Variants in CD86 observed in about 807,000 individuals in gnomAD.
CD86 encodes the protein CD86 molecule, also known as T-lymphocyte activation antigen CD86.
CD86 carries 11 observed loss-of-function variants against 32.1 expected under a neutral mutation model. The observed-to-expected ratio is 0.34, with a 90% CI of 0.22 to 0.57. CD86 has a LOEUF of 0.57. Among genes scored for constraint, CD86 ranks in the 20% least tolerant of loss-of-function variants. CD86 has a pLI of 0.86. For synonymous variants in CD86, 137 were observed against 135.3 expected (o/e 1.01, Z -0.09); for missense variants, 359 against 398.4 (o/e 0.90, Z 0.84).
At chr3:122,106,863 C>CACACAT (rs1169723038) in intron 4 of CD86, among the ~76,000 whole-genome samples, 9 of 151,914 alleles carry the variant, frequency 5.9e-5, no homozygotes, top group Admixed American at 2.0e-4. Context: ...CACACACACA[C>CACACAT]ACACACACCA....
At position 122,091,640 on chromosome 3, in the gene CD86, C is replaced by A; in HGVS notation, c.54C>A (p.Phe18Leu). ...GTAACATTCTCTTTGTGATGGCCTTCCTGCTCTCTGGTAAGAACCTTTCAG... is the reference window on the plus strand; with the variant it reads ...GTAACATTCTCTTTGTGATGGCCTTACTGCTCTCTGGTAAGAACCTTTCAG... ...GLSNILFVMA[F>L]LLSGAAPLKI... The change falls in exon 2 of 7, where the codon TTC (phenylalanine) becomes TTA (leucine). Residue 18 changes from phenylalanine (F) to leucine (L), a missense_variant. Physicochemically the swap from Phe to Leu is conservative, Grantham distance 22 (BLOSUM62 0). Transcript: ENST00000330540. The A allele has an allele frequency of 5.6e-6, 9 of 1,613,008 alleles. No homozygotes were observed. The highest frequency in any genetic ancestry group is 7.6e-6 in the Non-Finnish European group (9 of 1,179,030).
At chr3:122,085,817 G>A (rs1413071137) in intron 1 of CD86, among the ~76,000 whole-genome samples, 2 of 152,198 alleles carry the variant, frequency 1.3e-5, no homozygotes, top group Non-Finnish European at 2.9e-5. Flanking sequence ...GGGAGCTGAT[G>A]TTGCACTGGA....
At chr3:122,103,917 C>T in intron 3 of CD86, 70 bp downstream of exon 3, 1 of 1,309,078 alleles carries the variant, frequency 7.6e-7, no homozygotes, top group Non-Finnish European at 1.1e-6. Flanking sequence ...GTTAGAAAAA[C>T]ACTGGAGGGG....
intron 1 of CD86, among the ~76,000 whole-genome samples, chr3:122,068,179 C>A (rs952452542): frequency 6.6e-6 from 1 of 152,006 alleles, no homozygotes; most frequent in Non-Finnish European, 1.5e-5. Flanking sequence ...GTTCTATATA[C>A]CCCAATCTAT....
rs114959849 is a variant in CD86 at position 122,091,862 on chromosome 3, C to G, written c.64+212C>G. 900 of 555,644 alleles carry G rather than the reference C, an allele frequency of 1.6e-3. 6 individuals carry two copies. Among genetic ancestry groups the G allele is most frequent in the African/African-American group, 0.012 (624 of 53,136 alleles). 34.4% of individuals were successfully genotyped at this position (555,644 alleles called of 1,614,324 possible). On this transcript the variant is annotated intron_variant, in intron 2 of 6. Coordinates refer to ENST00000330540, the MANE Select transcript of CD86 (RefSeq NM_175862.5). Reference sequence around the variant, plus strand: ...AGGCAGCTGGGATGGAGCTCTCCCCCCCGTGTGCTTCTTCCTCCTCTGCAG... The same window carrying G: ...AGGCAGCTGGGATGGAGCTCTCCCCGCCGTGTGCTTCTTCCTCCTCTGCAG...
intron 3 of CD86, among the ~76,000 whole-genome samples, chr3:122,104,812 T>C (rs1367106117): frequency 6.6e-6 from 1 of 152,218 alleles, no homozygotes; most frequent in Non-Finnish European, 1.5e-5. Context: ...TTATTGTTTA[T>C]CCATTCAACT....
intron 1 of CD86, among the ~76,000 whole-genome samples, chr3:122,075,420 G>A (rs2072542649): frequency 6.6e-6 from 1 of 152,186 alleles, no homozygotes; most frequent in Non-Finnish European, 1.5e-5. Context: ...ATATGTTCTG[G>A]TAGTTCTAGA....
rs1559898376 is a variant in CD86, at chr3:122,069,528, G to C, written c.14+14025G>C. 4.6e-5 allele frequency among the ~76,000 whole-genome samples: 7 copies of C among 152,308 alleles called. 2 individuals carry two copies. In the South Asian group the frequency reaches 1.5e-3, roughly 32 times the overall value. ...GTGTTGAGATACACGACAGGCAGGTGAGGAAGGAGGGGTGCTCTGGATGTA... is the reference window on the plus strand; with the variant it reads ...GTGTTGAGATACACGACAGGCAGGTCAGGAAGGAGGGGTGCTCTGGATGTA... On this transcript the variant is annotated intron_variant, in intron 1 of 6. Transcript: ENST00000330540.
At chr3:122,089,227 A>G (rs943075824) in intron 1 of CD86, among the ~76,000 whole-genome samples, 5 of 152,222 alleles carry the variant, frequency 3.3e-5, no homozygotes, top group Admixed American at 1.3e-4. Context: ...TTGCAAGATG[A>G]AAGAGTTCTG....
chr3:122,086,631 G>T (rs760675712), intron 1 of CD86: 6 of 470,386 alleles, frequency 1.3e-5, no homozygotes, highest in Non-Finnish European at 2.1e-5. Context: ...AAGTGGAGAA[G>T]TACTCTCTGT....
chr3:122,086,069 G>A (rs371132626), intron 1 of CD86, among the ~76,000 whole-genome samples: 2 of 152,170 alleles, frequency 1.3e-5, no homozygotes, highest in African/African-American at 2.4e-5. Context: ...CCTGGAGCCT[G>A]CATTGTAGTT....
At chr3:122,094,866 T>C (rs1007721099) in intron 2 of CD86, among the ~76,000 whole-genome samples, 13 of 152,238 alleles carry the variant, frequency 8.5e-5, no homozygotes, top group Non-Finnish European at 5.9e-5. Context: ...TTACAGTTTG[T>C]GCCTTGTATT....
At position 122,079,935 on chromosome 3, in the gene CD86, CA is replaced by C. The variant is rs887914104; in HGVS notation, c.15-11658del. 1.2e-3 allele frequency among the ~76,000 whole-genome samples: 182 copies of C among 151,708 alleles called. 1 individual carries two copies. Among genetic ancestry groups the C allele is most frequent in the African/African-American group, 4.2e-3 (174 of 41,366 alleles). ...TAATGCCTAATGGCTTAAAAACAAACAAAAAAAACCCTCTTCCTTCCAGCTA... is the reference window on the plus strand; with the variant it reads ...TAATGCCTAATGGCTTAAAAACAAACAAAAAAACCCTCTTCCTTCCAGCTA... On this transcript the variant is annotated intron_variant, in intron 1 of 6. Coordinates refer to ENST00000330540, the MANE Select transcript of CD86 (RefSeq NM_175862.5).
chr3:122,115,241 AATT>A (rs1479817373), intron 5 of CD86, among the ~76,000 whole-genome samples: 1 of 152,212 alleles, frequency 6.6e-6, no homozygotes, highest in African/African-American at 2.4e-5. Flanking sequence ...CATTGAAAAA[AATT>A]AATAGCATTT....
chr3:122,086,151 A>G (rs1414532657), intron 1 of CD86, among the ~76,000 whole-genome samples: 1 of 152,142 alleles, frequency 6.6e-6, no homozygotes, highest in Admixed American at 6.5e-5. Context: ...ACAACCCCTC[A>G]ATCTCTAGAA....
At chr3:122,077,200 A>G (rs767363579) in intron 1 of CD86, among the ~76,000 whole-genome samples, 7 of 152,242 alleles carry the variant, frequency 4.6e-5, no homozygotes, top group Admixed American at 1.3e-4. Flanking sequence ...AAAAGGAGGC[A>G]TGCACCTGGG....
Position 122,119,922 on chromosome 3 carries a change from C to A in CD86, c.*388C>A. ...AACTGCCTTTTATCTGCCCAGAATT[C>A]TAAGCTGGTGCCCCACTGAATTTTG... On this transcript the variant is annotated 3_prime_UTR_variant, in exon 7 of 7. Coordinates refer to ENST00000330540, the MANE Select transcript of CD86 (RefSeq NM_175862.5). The A allele has an allele frequency of 8.1e-6, 1 of 123,412 alleles. No homozygotes were observed. Among genetic ancestry groups the A allele is most frequent in the Non-Finnish European group, 1.5e-5 (1 of 67,268 alleles). The allele number at this position is 123,412 out of a possible 1,614,324, so 7.6% of individuals were successfully genotyped here.
At chr3:122,075,072 G>A (rs2072537720) in intron 1 of CD86, among the ~76,000 whole-genome samples, 1 of 151,962 alleles carries the variant, frequency 6.6e-6, no homozygotes, top group Non-Finnish European at 1.5e-5. Context: ...TGGGGCAAGG[G>A]GGTTGCGATA....
chr3:122,091,696 C>T (rs1489315679), intron 2 of CD86, 46 bp downstream of exon 2: 1 of 1,483,814 alleles, frequency 6.7e-7, no homozygotes, highest in South Asian at 1.1e-5. Flanking sequence ...CTACTGTCTC[C>T]TGATGAGTCT....
Sources: allele counts gnomAD v4.1 joint callset (sites outside exome capture counted in the v4.1 genomes callset), GRCh38; gene constraint gnomAD v4.1.1; transcripts MANE v1.5; gene names NCBI Gene and HGNC (gene_info 2026-07-23, HGNC 2026-07-21).